The following INKA2 variants were observed in gnomAD, a reference collection of about 807,000 sequenced individuals.
The protein encoded by INKA2 is PAK4-inhibitor INKA2.
In INKA2, 3 loss-of-function variants were observed where a neutral mutation model predicts 9.8. The observed-to-expected ratio is 0.31, with a 90% confidence interval of 0.14 to 0.79. The LOEUF (loss-of-function observed/expected upper bound fraction) is 0.79, where lower values mean the gene tolerates loss of function less well. Ranked by LOEUF, INKA2 falls within the 30% of genes least tolerant of loss-of-function variation. The pLI, the probability that INKA2 is intolerant of heterozygous loss-of-function variation, is 0.62. For synonymous variants in INKA2, 147 were observed against 143.3 expected (o/e 1.03, Z -0.18); for missense variants, 392 against 384.4 (o/e 1.02, Z -0.17).
chr1:111,723,991 T>C lies in INKA2; in HGVS notation c.*2977A>G, dbSNP rs1571587161. The C allele has an allele frequency of 6.6e-6, 1 of 152,390 alleles. No individual in the cohort carries two copies. Among genetic ancestry groups the C allele is most frequent in the East Asian group, 1.9e-4 (1 of 5,190 alleles). 9.4% of individuals were successfully genotyped at this position (152,390 alleles called of 1,614,324 possible). A position where few individuals can be genotyped will look rare whatever the true frequency, so the allele number is the denominator to read the frequency against. ...AAGATTGCAAGTCAGTTGGAACTGA[T>C]TCAATCTCAATTCCACTACTGTGTG... On this transcript the variant is annotated 3_prime_UTR_variant, in exon 2 of 2. Transcript: ENST00000357260.
intron 1 of INKA2, among the ~76,000 whole-genome samples, chr1:111,733,529 G>GAAGTCAT (rs1390598444): frequency 6.6e-6 from 1 of 152,224 alleles, no homozygotes; most frequent in African/African-American, 2.4e-5. Context: ...GGAAGAACGT[G>GAAGTCAT]AAGTCATCCT....
In INKA2 at chr1:111,746,450, T is replaced by A. The variant is rs1262481770; in HGVS notation, n.124+9251A>T. ...GCTGTTGATTATTCTCCATGAATCA[T>A]CATCCATAGAAAGTGACTGAGGCAA... On this transcript the variant is annotated intron_variant and non_coding_transcript_variant, in intron 1 of 1. Coordinates refer to the INKA2 transcript ENST00000444059. 3 of 152,242 alleles carry A rather than the reference T, an allele frequency of 2.0e-5. No homozygotes were observed. The East Asian group carries it at 5.8e-4, about 29-fold the overall frequency. 9.4% of individuals were successfully genotyped at this position (152,242 alleles called of 1,614,324 possible). A position where few individuals can be genotyped will look rare whatever the true frequency, so the allele number is the denominator to read the frequency against.
At chr1:111,728,693 T>C (rs1353977052) in intron 1 of INKA2, among the ~76,000 whole-genome samples, 1 of 151,914 alleles carries the variant, frequency 6.6e-6, no homozygotes, top group East Asian at 1.9e-4. Flanking sequence ...AAAATTATCT[T>C]TGGGTTGTAT....
chr1:111,732,020 C>T lies in INKA2; in HGVS notation c.58-4216G>A, dbSNP rs79226012. Among the ~76,000 whole-genome samples, 1,255 of 152,302 alleles carry T rather than the reference C, an allele frequency of 8.2e-3. 15 individuals carry two copies. The highest frequency in any genetic ancestry group is 0.029 in the African/African-American group (1,206 of 41,556). ...AGCCCAGCCACATCCAGGGTGCCGA[C>T]ACTGAAGGGCAAGAAGGCAGCTGGG... is the stretch of plus-strand genomic sequence containing the variant. On this transcript the variant is annotated intron_variant, in intron 1 of 1. Coordinates refer to ENST00000357260, the MANE Select transcript of INKA2 (RefSeq NM_019099.5).
intron 1 of INKA2, among the ~76,000 whole-genome samples, chr1:111,733,335 G>T (rs1662951482): frequency 6.6e-6 from 1 of 152,100 alleles, no homozygotes; most frequent in South Asian, 2.1e-4. Flanking sequence ...CACCACCAGT[G>T]GTCCCTGGGG....
Position 111,726,797 on chromosome 1 carries a change from C to T in INKA2, c.*171G>A, listed in dbSNP as rs772051535. 72 of 720,154 alleles carry T rather than the reference C, an allele frequency of 1.0e-4. No individual in the cohort carries two copies. The highest frequency in any genetic ancestry group is 4.0e-4 in the Middle Eastern group (1 of 2,470). 44.6% of individuals were successfully genotyped at this position (720,154 alleles called of 1,614,324 possible). On this transcript the variant is annotated 3_prime_UTR_variant, in exon 2 of 2. Transcript: ENST00000357260. ...TAGCCCCCAAGACAGCCTCTCCCAA[C>T]CACCTTCCCTTCAGTCCTGAGCCAA... is the stretch of plus-strand genomic sequence containing the variant.
intron 1 of INKA2, among the ~76,000 whole-genome samples, chr1:111,729,154 A>T (rs1057058015): frequency 6.6e-6 from 1 of 152,130 alleles, no homozygotes; most frequent in Non-Finnish European, 1.5e-5. Context: ...GAAAAGGAAG[A>T]GCTCAGATTC....
In INKA2 at chr1:111,722,786, G is replaced by A; in HGVS notation, c.*4182C>T. On this transcript the variant is annotated 3_prime_UTR_variant, in exon 2 of 2. Transcript: ENST00000357260. ...TTAAATCAATATAAATGTTTCGACA[G>A]AAGAAGAGACCAACGCTCAGAGAAA... The A allele has an allele frequency of 2.5e-6, 1 of 394,494 alleles. No homozygotes were observed. Among genetic ancestry groups the A allele is most frequent in the Non-Finnish European group, 4.6e-6 (1 of 218,292 alleles). 24.4% of individuals were successfully genotyped at this position (394,494 alleles called of 1,614,324 possible).
At chr1:111,735,372 T>C (rs190901164) in intron 1 of INKA2, among the ~76,000 whole-genome samples, 55 of 152,328 alleles carry the variant, frequency 3.6e-4, no homozygotes, top group African/African-American at 1.3e-3. Context: ...CTGTGCTATG[T>C]GTGAAAGACA....
intron 1 of INKA2, chr1:111,745,255 C>G (rs1300779827): frequency 8.0e-6 from 1 of 124,596 alleles, no homozygotes; most frequent in Admixed American, 8.4e-5. Flanking sequence ...CACACACACA[C>G]ACAGAGATAT....
intron 1 of INKA2, chr1:111,746,462 A>G (rs1288203712): frequency 6.6e-6 from 1 of 152,244 alleles, no homozygotes; most frequent in Non-Finnish European, 1.5e-5. Context: ...ATCCATAGAA[A>G]GTGACTGAGG....
chr1:111,723,845 G>A lies in INKA2; in HGVS notation c.*3123C>T, dbSNP rs1662705853. On this transcript the variant is annotated 3_prime_UTR_variant, in exon 2 of 2. Transcript: ENST00000357260. ...AAAGTAAGTCTCCATCAGACAGTCA[G>A]CATGCCATTTATGATCCACGCAGGA... The A allele has an allele frequency of 6.6e-6, 1 of 152,334 alleles. No homozygotes were observed. The highest frequency in any genetic ancestry group is 1.5e-5 in the Non-Finnish European group (1 of 68,082). The allele number at this position is 152,334 out of a possible 1,614,324, so 9.4% of individuals were successfully genotyped here. A position where few individuals can be genotyped will look rare whatever the true frequency, so the allele number is the denominator to read the frequency against.
In INKA2 at chr1:111,724,565, GCACACACACACACA is replaced by G. The variant is rs71714685; in HGVS notation, c.*2389_*2402del. On this transcript the variant is annotated 3_prime_UTR_variant, in exon 2 of 2. Coordinates refer to ENST00000357260, the MANE Select transcript of INKA2 (RefSeq NM_019099.5). ...ACATGCAGTTTCTTAGCACGCGCAG[GCACACACACACACA>G]CACACACACACACACACACACCACC... The G allele has an allele frequency of 0.024, 3,419 of 144,532 alleles. 120 individuals carry two copies. The highest frequency in any genetic ancestry group is 0.081 in the African/African-American group (3,179 of 39,346). The allele number at this position is 144,532 out of a possible 1,614,324, so 9.0% of individuals were successfully genotyped here.
intron 1 of INKA2, among the ~76,000 whole-genome samples, chr1:111,738,405 C>G (rs984048624): frequency 3.3e-5 from 5 of 151,974 alleles, no homozygotes; most frequent in African/African-American, 1.2e-4. Flanking sequence ...TCCACCCCCC[C>G]AGACTGAGCT....
At position 111,722,910 on chromosome 1, in the gene INKA2, G is replaced by A; in HGVS notation, c.*4058C>T. The A allele has an allele frequency of 1.7e-6, 1 of 581,568 alleles. No individual in the cohort carries two copies. The highest frequency in any genetic ancestry group is 2.0e-5 in the South Asian group (1 of 49,560). The allele number at this position is 581,568 out of a possible 1,614,324, so 36.0% of individuals were successfully genotyped here. On this transcript the variant is annotated 3_prime_UTR_variant, in exon 2 of 2. Transcript: ENST00000357260. ...TCTGCTGAGCTTCTGCTGTATTCCA[G>A]GCAGTGCTTGGACCGTAGGTGCATT...
upstream of INKA2, among the ~76,000 whole-genome samples, chr1:111,740,438 G>A (rs552284673): frequency 1.2e-4 from 18 of 152,290 alleles, no homozygotes; most frequent in African/African-American, 4.1e-4. Context: ...GCCCGCCAGC[G>A]CTGCTCCCTC....
intron 1 of INKA2, among the ~76,000 whole-genome samples, chr1:111,738,771 C>G (rs1663065664): frequency 6.6e-6 from 1 of 152,146 alleles, no homozygotes; most frequent in African/African-American, 2.4e-5. Flanking sequence ...CGCTCCAGGT[C>G]GCCCCGCGCA....
chr1:111,751,969 A>G (rs1223484929), intron 1 of INKA2, among the ~76,000 whole-genome samples: 1 of 150,296 alleles, frequency 6.7e-6, no homozygotes, highest in Admixed American at 6.6e-5. Context: ...GCAAGAAGGT[A>G]TAACTTTATG....
rs1475410408 is a variant in INKA2 at position 111,725,616 on chromosome 1, T to C, written c.*1352A>G. 6.6e-6 allele frequency: 1 copy of C among 152,540 alleles called. No homozygotes were observed. Among genetic ancestry groups the C allele is most frequent in the African/African-American group, 2.4e-5 (1 of 41,452 alleles). 9.4% of individuals were successfully genotyped at this position (152,540 alleles called of 1,614,324 possible). On this transcript the variant is annotated 3_prime_UTR_variant, in exon 2 of 2. Coordinates refer to ENST00000357260, the MANE Select transcript of INKA2 (RefSeq NM_019099.5). ...TGGAGCTGGGAATTTTAAAATCAAG[T>C]GGCTATTTCTTCTGGGTTCACTTCT...
Sources: allele counts gnomAD v4.1 joint callset (sites outside exome capture counted in the v4.1 genomes callset), GRCh38; gene constraint gnomAD v4.1.1; transcripts MANE v1.5; gene names NCBI Gene and HGNC (gene_info 2026-07-23, HGNC 2026-07-21).